Variants in ASNS observed in about 807,000 individuals in gnomAD.
ASNS encodes the protein asparagine synthetase (glutamine-hydrolyzing).
In ASNS, 37 loss-of-function variants were observed where a neutral mutation model predicts 62.6. That is an observed-to-expected ratio of 0.59 (90% CI 0.45 to 0.78). ASNS has a LOEUF of 0.78. ASNS is among the 30% of genes least tolerant of loss of function. The pLI is 0.00. For synonymous variants in ASNS, 207 were observed against 237.9 expected (o/e 0.87, Z 1.19); for missense variants, 520 against 682.4 (o/e 0.76, Z 2.65).
At chr7:97,928,389 G>C in the ASNS span, 204 of 555,792 alleles carry the variant, frequency 3.7e-4, 1 homozygote, top group African/African-American at 4.5e-3. Flanking sequence ...CGCGGGCTCG[G>C]AGGGTCCGCG....
At chr7:97,891,893 A>C in the ASNS span, among the ~76,000 whole-genome samples, 236 of 152,142 alleles carry the variant, frequency 1.6e-3, 2 homozygotes, top group African/African-American at 5.5e-3. Context: ...CAGTGAATCC[A>C]CCATTCCGAG....
chr7:97,910,463 T>C, the ASNS span, among the ~76,000 whole-genome samples: 1 of 152,110 alleles, frequency 6.6e-6, no homozygotes, highest in African/African-American at 2.4e-5. Context: ...GACGATGGGC[T>C]TTATTGGGAT....
the ASNS span, among the ~76,000 whole-genome samples, chr7:97,903,014 A>T: frequency 6.6e-6 from 1 of 152,138 alleles, no homozygotes; most frequent in Non-Finnish European, 1.5e-5. Flanking sequence ...GAGTGCAGGG[A>T]TCCAGGGATG....
chr7:97,852,255 C>T lies in ASNS; in HGVS notation c.*4G>A, dbSNP rs745559720. 4.3e-6 allele frequency: 7 copies of T among 1,613,918 alleles called. No individual in the cohort carries two copies. The highest frequency in any genetic ancestry group is 5.9e-6 in the Non-Finnish European group (7 of 1,180,006). On this transcript the variant is annotated 3_prime_UTR_variant, in exon 13 of 13. Coordinates refer to ENST00000394308, the MANE Select transcript of ASNS (RefSeq NM_001673.5). ...TTGCTTTCACATTACAGCATAAAGA[C>T]CACCTAAGCTTTGACAGCTGACTTG...
At chr7:97,893,176 A>G in the ASNS span, among the ~76,000 whole-genome samples, 1 of 152,220 alleles carries the variant, frequency 6.6e-6, no homozygotes, top group South Asian at 2.1e-4. Context: ...TCCTTTTAAA[A>G]CCATCAGATC....
the ASNS span, among the ~76,000 whole-genome samples, chr7:97,896,729 C>T: frequency 1.7e-4 from 5 of 29,912 alleles, no homozygotes; most frequent in Admixed American, 5.4e-4. Flanking sequence ...CACACACACA[C>T]ACACACACAC....
intron 2 of ASNS, 32 bp from the exon 3 acceptor site, chr7:97,869,211 A>G: frequency 6.3e-7 from 1 of 1,595,942 alleles, no homozygotes; most frequent in Non-Finnish European, 8.6e-7. Context: ...AATCAAAAAT[A>G]TTCAATATCC....
At chr7:97,914,520 C>T in the ASNS span, among the ~76,000 whole-genome samples, 1 of 134,100 alleles carries the variant, frequency 7.5e-6, no homozygotes, top group African/African-American at 2.5e-5. Context: ...ATGTTGCTGC[C>T]ATGCTAGACA....
At chr7:97,887,070 C>T in the ASNS span, among the ~76,000 whole-genome samples, 4 of 152,124 alleles carry the variant, frequency 2.6e-5, no homozygotes, top group Admixed American at 2.0e-4. Flanking sequence ...CAATTCTGAC[C>T]CCCTGCAAAA....
chr7:97,904,132 T>C, the ASNS span, among the ~76,000 whole-genome samples: 1 of 152,202 alleles, frequency 6.6e-6, no homozygotes, highest in Non-Finnish European at 1.5e-5. Flanking sequence ...CTGGTCTTTA[T>C]AGACATCCCA....
chr7:97,923,484 G>A, the ASNS span, among the ~76,000 whole-genome samples: 1 of 152,124 alleles, frequency 6.6e-6, no homozygotes. Context: ...GGGAGGCTGA[G>A]GGAGGAGAAT....
At chr7:97,898,727 C>T in the ASNS span, 12 of 648,426 alleles carry the variant, frequency 1.9e-5, no homozygotes, top group Non-Finnish European at 3.4e-5. Context: ...AAAGAAGTAA[C>T]CATCGGTAGT....
At chr7:97,853,423 G>C in intron 10 of ASNS, 37 bp from the exon 11 acceptor site, 1 of 1,537,966 alleles carries the variant, frequency 6.5e-7, no homozygotes, top group Non-Finnish European at 9.0e-7. Flanking sequence ...AATTAAAATG[G>C]GTATTTAGTG....
the ASNS span, among the ~76,000 whole-genome samples, chr7:97,901,584 G>A: frequency 6.6e-6 from 1 of 152,204 alleles, no homozygotes; most frequent in East Asian, 1.9e-4. Flanking sequence ...CAGAGAGTGA[G>A]AACTCTGGAA....
chr7:97,896,741 C>CACACATATATAT, the ASNS span, among the ~76,000 whole-genome samples: 33 of 19,770 alleles, frequency 1.7e-3, no homozygotes, highest in African/African-American at 3.1e-3. Flanking sequence ...CACACACACA[C>CACACATATATAT]ATATATATAT....
At chr7:97,926,589 T>C in the ASNS span, among the ~76,000 whole-genome samples, 2 of 152,134 alleles carry the variant, frequency 1.3e-5, no homozygotes, top group Admixed American at 1.3e-4. Flanking sequence ...CTGGCGGGCA[T>C]TGTGGGCAGC....
At chr7:97,867,181 G>A (rs1410037452) in intron 3 of ASNS, among the ~76,000 whole-genome samples, 1 of 149,550 alleles carries the variant, frequency 6.7e-6, no homozygotes, top group Non-Finnish European at 1.5e-5. Context: ...TGCAGGGAGA[G>A]GGCCTGCTCT....
At chr7:97,887,945 T>A in the ASNS span, among the ~76,000 whole-genome samples, 2 of 152,224 alleles carry the variant, frequency 1.3e-5, no homozygotes, top group African/African-American at 4.8e-5. Context: ...AATTCAGAAA[T>A]ACTTTCTTCT....
upstream of ASNS, among the ~76,000 whole-genome samples, chr7:97,873,171 AT>A (rs1352051520): frequency 6.6e-6 from 1 of 152,248 alleles, no homozygotes; most frequent in Non-Finnish European, 1.5e-5. Flanking sequence ...CTCAAAAAGG[AT>A]TTTGTCAACT....
Sources: allele counts gnomAD v4.1 joint callset (sites outside exome capture counted in the v4.1 genomes callset), GRCh38; gene constraint gnomAD v4.1.1; transcripts MANE v1.5; gene names NCBI Gene and HGNC (gene_info 2026-07-23, HGNC 2026-07-21).